The following SPTBN5 variants were observed in gnomAD, a reference collection of about 807,000 sequenced individuals.
SPTBN5 encodes spectrin beta, non-erythrocytic 5, also known as spectrin beta chain, non-erythrocytic 5.
Under a neutral mutation model 477.6 loss-of-function variants are expected in SPTBN5, and 513 were observed. The ratio of observed to expected loss-of-function variants is 1.07; its 90% CI spans 1.00 to 1.16. SPTBN5 has a LOEUF of 1.16. Ranked by LOEUF, SPTBN5 falls within the 50% of genes most tolerant of loss-of-function variation. SPTBN5 has a pLI of 0.00. For synonymous variants in SPTBN5, 2,169 were observed against 2,011.7 expected, an observed-to-expected ratio of 1.08 and a Z score of -2.09; for missense variants, 5,062 against 4,731.8, an observed-to-expected ratio of 1.07 and a Z score of -2.05.
chr15:41,848,928 T>G (rs767072447), intron 67 of SPTBN5, among the ~76,000 whole-genome samples: 2 of 152,226 alleles, frequency 1.3e-5, no homozygotes, highest in Non-Finnish European at 2.9e-5. Flanking sequence ...GGAGCCACTG[T>G]GTCCAGGACA....
intron 35 of SPTBN5, 55 bp from the exon 36 acceptor site, chr15:41,867,181 G>A (rs2066354241): frequency 4.1e-6 from 6 of 1,473,498 alleles, no homozygotes; most frequent in Non-Finnish European, 5.4e-6. Flanking sequence ...GGCAGGGCCT[G>A]GCCTGCAGGG....
chr15:41,858,487 G>A, intron 49 of SPTBN5, 115 bp downstream of exon 49: 1 of 1,305,642 alleles, frequency 7.7e-7, no homozygotes, highest in East Asian at 2.7e-5. Context: ...CCTGCATGCA[G>A]AAAGTACTGG....
Position 41,883,357 on chromosome 15 carries a change from C to T in SPTBN5, c.1650G>A (p.Glu550=). The change falls in exon 8 of 68, where the codon GAG becomes GAA. Residue 550 remains glutamate (E), a synonymous_variant. Transcript: ENST00000320955. ...QEVEAASHQL[E]ELQEPARSTA... ...CTGGTCCAGTGCCCACCTGCAGCTC[C>T]TCCAGCTGGTGGGAGGCAGCCTCCA... 6.2e-7 allele frequency: 1 copy of T among 1,613,306 alleles called. No individual in the cohort carries two copies. Among genetic ancestry groups the T allele is most frequent in the Non-Finnish European group, 8.5e-7 (1 of 1,179,784 alleles).
In SPTBN5 at chr15:41,876,894, G is replaced by T. The variant is rs754384542; in HGVS notation, c.3766C>A (p.Leu1256Ile). ...GCCCGAGGCCCCAGGGTGCTCAGGA[G>T]CCGCCCAAACTCCCGGTGCTGCTGC... ...LLQQHREFGR[L>I]LSTLGPRAEA... Residue 1256 changes from leucine (L) to isoleucine (I), a missense_variant, in exon 19 of 68, where the codon CTC (leucine) becomes ATC (isoleucine). Transcript: ENST00000320955. 1 of 1,610,486 alleles carries T rather than the reference G, an allele frequency of 6.2e-7. No individual in the cohort carries two copies. The highest frequency in any genetic ancestry group is 8.5e-7 in the Non-Finnish European group (1 of 1,179,750).
In SPTBN5 at chr15:41,865,814, C is replaced by T. The variant is rs377205227; in HGVS notation, c.6912G>A (p.Ser2304=). 2.4e-4 allele frequency: 380 copies of T among 1,559,390 alleles called. No individual in the cohort carries two copies. The African/African-American group carries it at 2.5e-3, about 10-fold the overall frequency. The part of the protein sequence containing the change: ...RRRLREFRGN[S]AGDTVGDACI... ...CCCAGCAAGGCCCTCTTACCCCGGC[C>T]GAGTTTCCTCGGAACTCGCGGAGCC... Residue 2304 remains serine (S), a synonymous_variant, in exon 39 of 68, where the codon TCG becomes TCA. Transcript: ENST00000320955.
At chr15:41,864,282 G>A (rs910311656) in intron 39 of SPTBN5, among the ~76,000 whole-genome samples, 1 of 152,180 alleles carries the variant, frequency 6.6e-6, no homozygotes, top group Admixed American at 6.5e-5. Flanking sequence ...TCCCTGCACT[G>A]GGTACCATGT....
At chr15:41,887,845 G>C in intron 5 of SPTBN5, 83 bp downstream of exon 5, 1 of 1,380,988 alleles carries the variant, frequency 7.2e-7, no homozygotes, top group South Asian at 1.4e-5. Context: ...CTAGGGATGT[G>C]GGAGAACGGG....
At position 41,862,538 on chromosome 15, in the gene SPTBN5, C is replaced by T. The variant is rs1436509909; in HGVS notation, c.7385+1G>A. The T allele has an allele frequency of 1.9e-6, 3 of 1,575,868 alleles. No individual in the cohort carries two copies. The highest frequency in any genetic ancestry group is 2.3e-5 in the South Asian group (2 of 86,622). ...CGAGGGCAAGGCCTGCGGGTTCATA[C>T]CGCTTCTGGGCCCTGCTCCGGAGCT... On this transcript the variant is annotated splice_donor_variant, in intron 43 of 67. Transcript: ENST00000320955. LOFTEE classifies it high-confidence loss of function.
chr15:41,871,353 G>A (rs768184308), intron 29 of SPTBN5, 22 bp downstream of exon 29: 1 of 1,401,124 alleles, frequency 7.1e-7, no homozygotes, highest in Admixed American at 3.1e-5. Context: ...CCCCATGCTG[G>A]CCTGGCCCGT....
chr15:41,874,338 T>C lies in SPTBN5; in HGVS notation c.4643A>G (p.Tyr1548Cys), dbSNP rs374010051. Residue 1548 changes from tyrosine to cysteine, a missense_variant, in exon 24 of 68, where the codon TAT becomes TGT. Tyr to Cys is a radical substitution (Grantham distance 194, BLOSUM62 -2). Transcript: ENST00000320955. Reference protein sequence around the residue: ...EHMPHGSPTSYTECLNGAQSL... With the variant: ...EHMPHGSPTSCTECLNGAQSL... The stretch of plus-strand genomic sequence containing the variant: ...CTGGGCACCATTCAAGCACTCGGTA[T>C]AGCTGGTGGGGCTGCCATGGGGCAT... The C allele has an allele frequency of 1.2e-6, 2 of 1,613,848 alleles. No individual in the cohort carries two copies. Among genetic ancestry groups the C allele is most frequent in the Non-Finnish European group, 8.5e-7 (1 of 1,179,854 alleles).
chr15:41,891,742 C>A (rs2067319846), intron 3 of SPTBN5, among the ~76,000 whole-genome samples: 1 of 152,162 alleles, frequency 6.6e-6, no homozygotes, highest in Admixed American at 6.5e-5. Context: ...GCATAGAATG[C>A]CCAGGGCATG....
rs1426575905 is a variant in SPTBN5 at position 41,882,438 on chromosome 15, G to A, written c.2078C>T (p.Ala693Val). 4 of 1,550,414 alleles carry A rather than the reference G, an allele frequency of 2.6e-6. No individual in the cohort carries two copies. The highest frequency in any genetic ancestry group is 3.5e-6 in the Non-Finnish European group (4 of 1,154,700). ...ALEAEVHRHQ[A>V]VCVDLVRRGR... ...CCTCCGCACGAGATCTACGCACACG[G>A]CCTGGTGGCGGTGGACCTCAGCTTC... Residue 693 changes from alanine (A) to valine (V), a missense_variant, in exon 11 of 68, where the codon GCC becomes GTC. Transcript: ENST00000320955.
chr15:41,887,916 G>A lies in SPTBN5; in HGVS notation c.659+12C>T, dbSNP rs144044060. ...AGTGGGCAGAGGCCTCCTGACAAGG[G>A]TGGGGTCACACCTGTGGGCATGGAT... On this transcript the variant is annotated intron_variant, in intron 5 of 67. Transcript: ENST00000320955. 65 of 1,606,278 alleles carry A rather than the reference G, an allele frequency of 4.0e-5. No individual in the cohort carries two copies. In the African/African-American group the frequency reaches 7.7e-4, roughly 19 times the overall value.
chr15:41,851,090 G>A lies in SPTBN5; in HGVS notation c.10804C>T (p.Arg3602Cys), dbSNP rs535540804. The change falls in exon 65 of 68, where the codon CGC becomes TGC. Residue 3602 changes from arginine to cysteine, a missense_variant. Physicochemically the swap from Arg to Cys is radical, Grantham distance 180. Transcript: ENST00000320955. ...TGARCERLRG[R>C]HGRKHTFSLR... ...GAGAATGTGTGTTTCCTGCCGTGGCGGCCCCGCAGCCTCTCACACCGGGCT... is the reference window on the plus strand; with the variant it reads ...GAGAATGTGTGTTTCCTGCCGTGGCAGCCCCGCAGCCTCTCACACCGGGCT... 127 of 1,612,972 alleles carry A rather than the reference G, an allele frequency of 7.9e-5. No homozygotes were observed. The highest frequency in any genetic ancestry group is 2.2e-4 in the East Asian group (10 of 44,876).
chr15:41,870,557 G>A lies in SPTBN5; in HGVS notation c.5451C>T (p.Thr1817=), dbSNP rs781286500. 13 of 1,606,590 alleles carry A rather than the reference G, an allele frequency of 8.1e-6. No individual in the cohort carries two copies. Among genetic ancestry groups the A allele is most frequent in the South Asian group, 4.4e-5 (4 of 90,936 alleles). Residue 1817 remains threonine (T), a synonymous_variant, in exon 30 of 68, where the codon ACC becomes ACT. Transcript: ENST00000320955. The part of the protein sequence containing the change: ...MVRQRQQDLQ[T]AWSELWELTQ... ...TCAGCTCCCACAGCTCCGACCAGGC[G>A]GTCCTGCCCACGGCGTGTGGAAGAC...
intron 63 of SPTBN5, 29 bp from the exon 64 acceptor site, chr15:41,851,398 G>A: frequency 6.6e-7 from 1 of 1,517,568 alleles, no homozygotes; most frequent in South Asian, 1.2e-5. Flanking sequence ...AAGGTCGCAT[G>A]AGCCACACGC....
At chr15:41,862,947 G>A (rs542163841) in intron 41 of SPTBN5, 44 bp from the exon 42 acceptor site, 28 of 1,527,732 alleles carry the variant, frequency 1.8e-5, no homozygotes, top group Admixed American at 3.9e-5. Context: ...CCTTTGCTTC[G>A]GCTCCTCCTT....
intron 49 of SPTBN5, 22 bp from the exon 50 acceptor site, chr15:41,857,732 C>T (rs1567188942): frequency 6.4e-7 from 1 of 1,552,454 alleles, no homozygotes; most frequent in Non-Finnish European, 8.7e-7. Context: ...ACATGAAACA[C>T]ACCTTGTGGA....
chr15:41,866,878 A>T, intron 36 of SPTBN5, 81 bp downstream of exon 36: 1 of 1,446,582 alleles, frequency 6.9e-7, no homozygotes. Flanking sequence ...TTTCCGCCTC[A>T]CAGTGTTGCG....
Sources: gnomAD v4.1 joint callset for allele counts (sites outside exome capture counted in the v4.1 genomes callset) on GRCh38, gnomAD v4.1.1 for gene constraint, MANE v1.5 for transcripts, NCBI Gene and HGNC (gene_info 2026-07-23, HGNC 2026-07-21) for gene names.